MATN2: variants seen among roughly 807,000 people sequenced by gnomAD.
MATN2 encodes the protein matrilin-2.
A neutral mutation model predicts 103.2 loss-of-function variants in MATN2; 69 were observed. The observed-to-expected ratio is 0.67, with a 90% confidence interval of 0.55 to 0.82. The LOEUF (loss-of-function observed/expected upper bound fraction) is 0.82, where lower values mean the gene tolerates loss of function less well. Among genes scored for constraint, MATN2 ranks in the 40% least tolerant of loss-of-function variants. The probability of loss-of-function intolerance (pLI) is 0.00; values close to 1 mark genes in which losing one functional copy is unlikely to be tolerated. For synonymous variants in MATN2, 429 were observed against 450.2 expected (o/e 0.95, Z 0.60); for missense variants, 1,023 against 1,211.5 (o/e 0.84, Z 2.31).
At chr8:98,000,603 A>AG (rs1812747703) in intron 7 of MATN2, among the ~76,000 whole-genome samples, 1 of 150,812 alleles carries the variant, frequency 6.6e-6, no homozygotes, top group Non-Finnish European at 1.5e-5. Context: ...TCTCAAAAAA[A>AG]AAAAAAAGAA....
intron 2 of MATN2, among the ~76,000 whole-genome samples, chr8:97,928,504 G>A (rs1810067678): frequency 6.6e-6 from 1 of 152,172 alleles, no homozygotes; most frequent in South Asian, 2.1e-4. Context: ...GGGATTACAG[G>A]CGTGAGCCAC....
At chr8:97,880,255 T>C (rs1818210377) in intron 1 of MATN2, among the ~76,000 whole-genome samples, 4 of 152,082 alleles carry the variant, frequency 2.6e-5, no homozygotes, top group African/African-American at 7.2e-5. Flanking sequence ...GGCTAATTTT[T>C]GTATTTTTAG....
chr8:97,979,025 T>G lies in MATN2; in HGVS notation c.1081+17T>G. On this transcript the variant is annotated intron_variant, in intron 6 of 18. Coordinates refer to ENST00000254898, the MANE Select transcript of MATN2 (RefSeq NM_002380.5). ...CGTGCACAAGTAAGTTACACACACA[T>G]GCACACACAGAGAAATATTTGCTGT... 6.3e-7 allele frequency: 1 copy of G among 1,597,420 alleles called. No homozygotes were observed. The highest frequency in any genetic ancestry group is 8.5e-7 in the Non-Finnish European group (1 of 1,171,840).
intron 4 of MATN2, among the ~76,000 whole-genome samples, chr8:97,943,218 C>A (rs1479166165): frequency 6.6e-6 from 1 of 152,118 alleles, no homozygotes; most frequent in East Asian, 1.9e-4. Flanking sequence ...CTAGAGATCT[C>A]TTTAGACACC....
chr8:98,035,218 G>A (rs1182535054), intron 18 of MATN2, among the ~76,000 whole-genome samples: 4 of 152,132 alleles, frequency 2.6e-5, no homozygotes, highest in East Asian at 3.9e-4. Context: ...TTAGCTGGGC[G>A]TGGTGGCGCA....
intron 1 of MATN2, among the ~76,000 whole-genome samples, chr8:97,882,624 T>G (rs1348723472): frequency 6.6e-6 from 1 of 152,102 alleles, no homozygotes; most frequent in Non-Finnish European, 1.5e-5. Context: ...GCTGGTCTCC[T>G]GGGCAGCATG....
intron 7 of MATN2, among the ~76,000 whole-genome samples, chr8:98,000,125 T>G (rs1586141989): frequency 6.6e-6 from 1 of 150,584 alleles, no homozygotes; most frequent in South Asian, 2.2e-4. Context: ...AAGTGATCCA[T>G]CCGCCTCAGC....
chr8:97,943,283 T>C (rs1810630945), intron 4 of MATN2, among the ~76,000 whole-genome samples: 1 of 144,804 alleles, frequency 6.9e-6, no homozygotes, highest in African/African-American at 2.5e-5. Flanking sequence ...AACCATCCTC[T>C]GGAGGCACCC....
intron 3 of MATN2, among the ~76,000 whole-genome samples, chr8:97,933,098 C>T (rs1810253254): frequency 1.3e-5 from 2 of 152,186 alleles, no homozygotes; most frequent in Non-Finnish European, 2.9e-5. Flanking sequence ...GCACAGAGAT[C>T]TCATTTGTTC....
intron 1 of MATN2, among the ~76,000 whole-genome samples, chr8:97,873,183 T>TA (rs1817956834): frequency 6.6e-6 from 1 of 152,166 alleles, no homozygotes; most frequent in East Asian, 1.9e-4. Flanking sequence ...CCAGAAATAT[T>TA]AGAGTATTAG....
At chr8:97,916,125 A>G (rs1458164051) in intron 2 of MATN2, among the ~76,000 whole-genome samples, 1 of 151,722 alleles carries the variant, frequency 6.6e-6, no homozygotes, top group Non-Finnish European at 1.5e-5. Context: ...GCTGGAGTGT[A>G]GTGGCGCAAT....
chr8:98,026,256 G>GTTTT (rs367888514), intron 13 of MATN2, among the ~76,000 whole-genome samples: 4 of 124,848 alleles, frequency 3.2e-5, no homozygotes, highest in African/African-American at 1.2e-4. Flanking sequence ...TTTTAATTTT[G>GTTTT]TTTTTTTTTT....
chr8:97,961,163 A>G (rs1411651499), intron 4 of MATN2, among the ~76,000 whole-genome samples: 2 of 152,188 alleles, frequency 1.3e-5, no homozygotes, highest in Non-Finnish European at 2.9e-5. Flanking sequence ...AAGAAAACTC[A>G]CCAAAATGTT....
chr8:97,952,404 A>C (rs1177268217), intron 4 of MATN2: 1 of 152,226 alleles, frequency 6.6e-6, no homozygotes, highest in Non-Finnish European at 1.5e-5. Flanking sequence ...AAAATTCTGA[A>C]ACGTTGGTGA....
At chr8:98,021,418 G>C in intron 13 of MATN2, 91 bp downstream of exon 13, 1 of 1,375,516 alleles carries the variant, frequency 7.3e-7, no homozygotes, top group Non-Finnish European at 1.0e-6. Flanking sequence ...CCTCACCTCT[G>C]CTTCTCCCAT....
At position 97,909,458 on chromosome 8, in the gene MATN2, C is replaced by T. The variant is rs112699435; in HGVS notation, c.142+21216C>T. 7.6e-3 allele frequency among the ~76,000 whole-genome samples: 1,164 copies of T among 152,210 alleles called. 19 individuals are homozygous for T. The highest frequency in any genetic ancestry group is 0.026 in the African/African-American group (1,091 of 41,540). On this transcript the variant is annotated intron_variant, in intron 2 of 18. Transcript: ENST00000254898. The stretch of plus-strand genomic sequence containing the variant: ...TCTTTTTCTTTTCTTTTTCCCTGCT[C>T]CAGCTCAAAGGATGGGGCTGGGGAA...
intron 4 of MATN2, among the ~76,000 whole-genome samples, chr8:97,956,304 A>G (rs1250638302): frequency 6.6e-6 from 1 of 152,124 alleles, no homozygotes; most frequent in Non-Finnish European, 1.5e-5. Flanking sequence ...CAGCCTCCCA[A>G]GTAACTGGGA....
rs1337457667 is a variant in MATN2, at chr8:97,881,679, AT to A, written c.-26-6395del. On this transcript the variant is annotated intron_variant, in intron 1 of 18. Transcript: ENST00000254898. ...CAAAAATGAAAGGAACTGTTCTCAAATATCATTCCATTTTCCAGTTAGAAAT... is the reference window on the plus strand; with the variant it reads ...CAAAAATGAAAGGAACTGTTCTCAAAATCATTCCATTTTCCAGTTAGAAAT... Among the ~76,000 whole-genome samples the A allele has an allele frequency of 2.6e-5, 4 of 152,340 alleles. No homozygotes were observed. In the East Asian group the frequency reaches 7.7e-4, roughly 29 times the overall value.
In MATN2 at chr8:98,018,122, T is replaced by G. The variant is rs756653139; in HGVS notation, c.1819+6T>G. ...GGATGGGAAACGCTGCCGAAGTAAGTAGCCTCGAGGTGGAGAAGAACTTTT... is the reference window on the plus strand; with the variant it reads ...GGATGGGAAACGCTGCCGAAGTAAGGAGCCTCGAGGTGGAGAAGAACTTTT... On this transcript the variant is annotated splice_donor_region_variant and intron_variant, in intron 12 of 18. Coordinates refer to ENST00000254898, the MANE Select transcript of MATN2 (RefSeq NM_002380.5). The G allele has an allele frequency of 6.2e-7, 1 of 1,613,448 alleles. No individual in the cohort carries two copies. The highest frequency in any genetic ancestry group is 2.2e-5 in the East Asian group (1 of 44,870).
Sources: gnomAD v4.1 joint callset for allele counts (sites outside exome capture counted in the v4.1 genomes callset) on GRCh38, gnomAD v4.1.1 for gene constraint, MANE v1.5 for transcripts, NCBI Gene and HGNC (gene_info 2026-07-23, HGNC 2026-07-21) for gene names.